The following FLRT2 variants were observed in gnomAD, a reference collection of about 807,000 sequenced individuals.
The protein encoded by FLRT2 is leucine-rich repeat transmembrane protein FLRT2.
Under a neutral mutation model 40.0 loss-of-function variants are expected in FLRT2, and 15 were observed. The ratio of observed to expected loss-of-function variants is 0.38; its 90% CI spans 0.25 to 0.58. FLRT2 has a LOEUF of 0.58. Among genes scored for constraint, FLRT2 ranks in the 20% least tolerant of loss-of-function variants. The pLI is 0.71. For missense variants in FLRT2, 726 were observed against 840.0 expected, an observed-to-expected ratio of 0.86 and a Z score of 1.68; for synonymous variants, 380 against 336.8, an observed-to-expected ratio of 1.13 and a Z score of -1.41.
intron 1 of FLRT2, among the ~76,000 whole-genome samples, chr14:85,535,522 A>C (rs1888594293): frequency 6.6e-6 from 1 of 152,188 alleles, no homozygotes; most frequent in Non-Finnish European, 1.5e-5. Context: ...CCAGCTACTT[A>C]TGACGGGCAA....
intron 1 of FLRT2, among the ~76,000 whole-genome samples, chr14:85,604,329 A>G (rs1190249855): frequency 6.6e-6 from 1 of 152,002 alleles, no homozygotes; most frequent in African/African-American, 2.4e-5. Context: ...ACTTATGCCT[A>G]TTTCCTCTGT....
At chr14:85,560,812 G>A (rs1226750261) in intron 1 of FLRT2, 1 of 150,964 alleles carries the variant, frequency 6.6e-6, no homozygotes, top group African/African-American at 2.4e-5. Flanking sequence ...TCTCAGTGAT[G>A]CTGGTGGGAA....
intron 1 of FLRT2, among the ~76,000 whole-genome samples, chr14:85,615,640 A>G (rs1349124153): frequency 1.5e-5 from 1 of 65,662 alleles, no homozygotes; most frequent in Non-Finnish European, 3.2e-5. Context: ...GGCTATTGAT[A>G]TATGTTTCCC....
chr14:85,559,538 A>G (rs1395915004), intron 1 of FLRT2: 1 of 152,230 alleles, frequency 6.6e-6, no homozygotes, highest in Admixed American at 6.5e-5. Flanking sequence ...AGTGAGCTGA[A>G]CCATACATGC....
chr14:85,635,777 C>G lies in FLRT2; in HGVS notation c.*12280C>G, dbSNP rs1184370931. On this transcript the variant is annotated 3_prime_UTR_variant, in exon 2 of 2. Coordinates refer to ENST00000330753, the MANE Select transcript of FLRT2 (RefSeq NM_013231.6). ...AGGAAATTCTTCTTTCCCAGACCTT[C>G]AATACTTTTATAAAACCACTACTTA... 1 of 152,030 alleles carries G rather than the reference C, an allele frequency of 6.6e-6. No homozygotes were observed. The highest frequency in any genetic ancestry group is 2.4e-5 in the African/African-American group (1 of 41,412). 9.4% of individuals were successfully genotyped at this position (152,030 alleles called of 1,614,324 possible). A position where few individuals can be genotyped will look rare whatever the true frequency, so the allele number is the denominator to read the frequency against.
At chr14:85,584,555 C>G (rs903250740) in intron 1 of FLRT2, among the ~76,000 whole-genome samples, 1 of 152,166 alleles carries the variant, frequency 6.6e-6, no homozygotes, top group Non-Finnish European at 1.5e-5. Flanking sequence ...CAGGACATGA[C>G]AGTATGCCCC....
rs151158684 is a variant in FLRT2, at chr14:85,585,692, G to T, written c.-376-35447G>T. Reference sequence around the variant, plus strand: ...TACTGTAAAATAAATGATTTTTTTTGAGAATGAAGATGGGTGAACCTTGTT... The same window carrying T: ...TACTGTAAAATAAATGATTTTTTTTTAGAATGAAGATGGGTGAACCTTGTT... On this transcript the variant is annotated intron_variant, in intron 1 of 1. Coordinates refer to ENST00000330753, the MANE Select transcript of FLRT2 (RefSeq NM_013231.6). Among the ~76,000 whole-genome samples, 12 of 151,864 alleles carry T rather than the reference G, an allele frequency of 7.9e-5. No homozygotes were observed. The East Asian group carries it at 1.9e-3, about 24-fold the overall frequency.
At chr14:85,587,573 A>G (rs562982296) in intron 1 of FLRT2, among the ~76,000 whole-genome samples, 107 of 152,036 alleles carry the variant, frequency 7.0e-4, no homozygotes, top group Non-Finnish European at 1.2e-3. Context: ...GGACTTGACC[A>G]TGAATTTTTT....
At position 85,647,957 on chromosome 14, in the gene FLRT2, C is replaced by T. The variant is rs1259107154; in HGVS notation, c.*24460C>T. On this transcript the variant is annotated 3_prime_UTR_variant, in exon 2 of 2. Transcript: ENST00000330753. Reference sequence around the variant, plus strand: ...CAGAGTAAGAAATTAATAACTACTCCTGTTCTCTTCTTTGCCTTGTTATGC... The same window carrying T: ...CAGAGTAAGAAATTAATAACTACTCTTGTTCTCTTCTTTGCCTTGTTATGC... The T allele has an allele frequency of 6.6e-6, 1 of 152,156 alleles. No individual in the cohort carries two copies. Among genetic ancestry groups the T allele is most frequent in the Admixed American group, 6.6e-5 (1 of 15,262 alleles). 9.4% of individuals were successfully genotyped at this position (152,156 alleles called of 1,614,324 possible).
intron 1 of FLRT2, among the ~76,000 whole-genome samples, chr14:85,558,579 G>A (rs201892636): frequency 3.3e-5 from 5 of 152,114 alleles, no homozygotes; most frequent in African/African-American, 4.8e-5. Context: ...AGTCTCTTTC[G>A]GTGTTTCTTC....
chr14:85,618,645 A>T (rs893477090), intron 1 of FLRT2, among the ~76,000 whole-genome samples: 1 of 152,226 alleles, frequency 6.6e-6, no homozygotes, highest in Non-Finnish European at 1.5e-5. Flanking sequence ...TCCCGGGGAC[A>T]AAAGTGATTA....
At chr14:85,610,194 C>G (rs1892797355) in intron 1 of FLRT2, among the ~76,000 whole-genome samples, 1 of 152,030 alleles carries the variant, frequency 6.6e-6, no homozygotes, top group African/African-American at 2.4e-5. Context: ...ATTTATACTT[C>G]CTCTCTTTCT....
chr14:85,601,017 G>A (rs566878860), intron 1 of FLRT2, among the ~76,000 whole-genome samples: 1 of 152,156 alleles, frequency 6.6e-6, no homozygotes, highest in South Asian at 2.1e-4. Flanking sequence ...ATAAGCCATT[G>A]GAAGTCGTGT....
At chr14:85,607,863 G>T (rs1281467508) in intron 1 of FLRT2, among the ~76,000 whole-genome samples, 1 of 152,180 alleles carries the variant, frequency 6.6e-6, no homozygotes, top group African/African-American at 2.4e-5. Context: ...CAACAGAAAT[G>T]TATTTTCTCA....
chr14:85,562,198 C>T (rs1006657305), intron 1 of FLRT2, among the ~76,000 whole-genome samples: 8 of 152,212 alleles, frequency 5.3e-5, no homozygotes, highest in Non-Finnish European at 1.0e-4. Flanking sequence ...GAAGGAAAGG[C>T]ATCACTTGTT....
chr14:85,595,288 C>A (rs958413547), intron 1 of FLRT2, among the ~76,000 whole-genome samples: 1 of 152,036 alleles, frequency 6.6e-6, no homozygotes, highest in Non-Finnish European at 1.5e-5. Flanking sequence ...AAGACCCTGG[C>A]TTTGGGAGTC....
intron 1 of FLRT2, among the ~76,000 whole-genome samples, chr14:85,576,430 G>T (rs1158139189): frequency 6.6e-6 from 1 of 152,074 alleles, no homozygotes; most frequent in Non-Finnish European, 1.5e-5. Flanking sequence ...AGACAGAATG[G>T]CATACATTTA....
chr14:85,603,539 T>A (rs1892473396), intron 1 of FLRT2, among the ~76,000 whole-genome samples: 1 of 152,158 alleles, frequency 6.6e-6, no homozygotes, highest in Non-Finnish European at 1.5e-5. Flanking sequence ...CATTCTTACC[T>A]TTCTTTCTTT....
intron 1 of FLRT2, among the ~76,000 whole-genome samples, chr14:85,595,098 G>A (rs1489423416): frequency 6.6e-6 from 1 of 152,112 alleles, no homozygotes; most frequent in Non-Finnish European, 1.5e-5. Context: ...TGGCAGAGGT[G>A]GAAGAGATGA....
Sources: gnomAD v4.1 joint callset for allele counts (sites outside exome capture counted in the v4.1 genomes callset) on GRCh38, gnomAD v4.1.1 for gene constraint, MANE v1.5 for transcripts, NCBI Gene and HGNC (gene_info 2026-07-23, HGNC 2026-07-21) for gene names.